Variants in AUTS2 observed in about 807,000 individuals in gnomAD.
The protein encoded by AUTS2 is autism susceptibility gene 2 protein.
A neutral mutation model predicts 112.4 loss-of-function variants in AUTS2; 17 were observed. The observed-to-expected ratio is 0.15, with a 90% CI of 0.10 to 0.23. AUTS2 has a LOEUF of 0.23. Among genes scored for constraint, AUTS2 ranks in the 10% least tolerant of loss-of-function variants. AUTS2 has a pLI of 1.00. For missense variants in AUTS2, 1,510 were observed against 1,701.6 expected, an observed-to-expected ratio of 0.89 and a Z score of 1.98; for synonymous variants, 751 against 702.7, an observed-to-expected ratio of 1.07 and a Z score of -1.09.
chr7:70,171,735 G>A (rs1051115085), intron 4 of AUTS2, among the ~76,000 whole-genome samples: 1 of 152,118 alleles, frequency 6.6e-6, no homozygotes, highest in Non-Finnish European at 1.5e-5. Context: ...CCTTCCCCAT[G>A]GGAAAGATTC....
In AUTS2 at chr7:69,850,294, C is replaced by CA. The variant is rs200344253; in HGVS notation, c.310-48985dup. Reference sequence around the variant, plus strand: ...AGTGCAACAGGGTGACACTCTGTCTCAAAAAAACAAAAACAAAAACAAAAA... The same window carrying CA: ...AGTGCAACAGGGTGACACTCTGTCTCAAAAAAAACAAAAACAAAAACAAAAA... On this transcript the variant is annotated intron_variant, in intron 1 of 18. Transcript: ENST00000342771. Among the ~76,000 whole-genome samples the CA allele has an allele frequency of 7.7e-3, 1,101 of 142,080 alleles. 16 individuals carry two copies. The highest frequency in any genetic ancestry group is 0.028 in the African/African-American group (1,019 of 36,428). The allele number at this position is 142,080 out of a possible 152,430, so 93.2% of individuals were successfully genotyped here.
At chr7:69,840,023 C>A (rs974109915) in intron 1 of AUTS2, among the ~76,000 whole-genome samples, 2 of 152,244 alleles carry the variant, frequency 1.3e-5, no homozygotes, top group South Asian at 4.2e-4. Context: ...GCTGGTTTCA[C>A]TCTAGACCCA....
At chr7:70,195,835 A>G (rs1323792789) in intron 4 of AUTS2, among the ~76,000 whole-genome samples, 1 of 152,148 alleles carries the variant, frequency 6.6e-6, no homozygotes, top group Admixed American at 6.5e-5. Flanking sequence ...CAATTTCGGA[A>G]TTCTTTCAAG....
intron 1 of AUTS2, among the ~76,000 whole-genome samples, chr7:69,720,164 T>C (rs1798846731): frequency 6.6e-6 from 1 of 152,228 alleles, no homozygotes; most frequent in Admixed American, 6.5e-5. Context: ...TGAACAATTA[T>C]GTCTGGAATC....
rs557458150 is a variant in AUTS2 at position 70,161,370 on chromosome 7, C to G, written c.660+26799C>G. Reference sequence around the variant, plus strand: ...TATGTTAAATATGCGACACTGGTCTCTAAATGGGATGTTCTTTCTTTTACA... The same window carrying G: ...TATGTTAAATATGCGACACTGGTCTGTAAATGGGATGTTCTTTCTTTTACA... On this transcript the variant is annotated intron_variant, in intron 4 of 18. Transcript: ENST00000342771. Among the ~76,000 whole-genome samples the G allele has an allele frequency of 7.9e-5, 12 of 151,746 alleles. No individual in the cohort carries two copies. In the South Asian group the frequency reaches 2.3e-3, roughly 29 times the overall value.
rs1452697851 is a variant in AUTS2 at position 70,064,288 on chromosome 7, G to A, written c.523-53844G>A. Among the ~76,000 whole-genome samples, 6 of 152,212 alleles carry A rather than the reference G, an allele frequency of 3.9e-5. No individual in the cohort carries two copies. The Middle Eastern group carries it at 0.014, about 345-fold the overall frequency. On this transcript the variant is annotated intron_variant, in intron 2 of 18. Transcript: ENST00000342771. The stretch of plus-strand genomic sequence containing the variant: ...AATCATTGTCTGTGTACTGTGACCC[G>A]ACTAGTCAGAGGTTTACCCTTTGCT...
chr7:70,076,713 C>G (rs749104265), intron 2 of AUTS2, among the ~76,000 whole-genome samples: 1 of 152,050 alleles, frequency 6.6e-6, no homozygotes, highest in East Asian at 1.9e-4. Context: ...AGTAAGATCC[C>G]AAAAGGCCTT....
At chr7:69,944,778 C>G (rs771005243) in intron 2 of AUTS2, among the ~76,000 whole-genome samples, 1 of 152,148 alleles carries the variant, frequency 6.6e-6, no homozygotes, top group Non-Finnish European at 1.5e-5. Flanking sequence ...TGATTTTACC[C>G]TTACGTATCA....
intron 2 of AUTS2, among the ~76,000 whole-genome samples, chr7:70,036,330 A>G (rs1801001960): frequency 6.6e-6 from 1 of 152,250 alleles, no homozygotes; most frequent in Non-Finnish European, 1.5e-5. Context: ...AGTAACAACA[A>G]TATGGGAATC....
Position 69,633,327 on chromosome 7 carries a change from A to C in AUTS2, c.309+33365A>C, listed in dbSNP as rs184707910. Among the ~76,000 whole-genome samples the C allele has an allele frequency of 7.6e-4, 115 of 150,748 alleles. 1 individual carries two copies. The highest frequency in any genetic ancestry group is 2.5e-3 in the African/African-American group (103 of 40,960). On this transcript the variant is annotated intron_variant, in intron 1 of 18. Coordinates refer to ENST00000342771, the MANE Select transcript of AUTS2 (RefSeq NM_015570.4). ...CACACACACCCACCCACACACACAC[A>C]CCCCCCACAGTTTATCCATTTGCCT... is the stretch of plus-strand genomic sequence containing the variant.
intron 1 of AUTS2, among the ~76,000 whole-genome samples, chr7:69,851,614 T>A (rs1333193242): frequency 6.6e-6 from 1 of 152,222 alleles, no homozygotes; most frequent in Non-Finnish European, 1.5e-5. Flanking sequence ...AACTTTCCCA[T>A]CCATGAACAC....
chr7:70,173,212 A>C (rs1328107807), intron 4 of AUTS2, among the ~76,000 whole-genome samples: 2 of 152,070 alleles, frequency 1.3e-5, no homozygotes, highest in Middle Eastern at 3.2e-3. Flanking sequence ...CCCTGTCTCT[A>C]CTAAAAATGC....
intron 4 of AUTS2, among the ~76,000 whole-genome samples, chr7:70,323,720 A>G (rs1211414642): frequency 6.6e-6 from 1 of 152,194 alleles, no homozygotes; most frequent in Non-Finnish European, 1.5e-5. Context: ...TCTGTGTGCC[A>G]TGTATATATT....
chr7:70,727,175 C>T (rs1417219055), intron 6 of AUTS2, among the ~76,000 whole-genome samples: 3 of 152,152 alleles, frequency 2.0e-5, no homozygotes, highest in African/African-American at 4.8e-5. Context: ...GGTAGCTTTC[C>T]GATTGTGATC....
intron 4 of AUTS2, among the ~76,000 whole-genome samples, chr7:70,349,987 C>G (rs1465910059): frequency 6.6e-6 from 1 of 152,172 alleles, no homozygotes; most frequent in Non-Finnish European, 1.5e-5. Context: ...CCTCTGTTGG[C>G]CACTACAAAA....
intron 5 of AUTS2, among the ~76,000 whole-genome samples, chr7:70,640,480 G>A (rs887855483): frequency 2.7e-5 from 4 of 149,518 alleles, no homozygotes; most frequent in African/African-American, 9.9e-5. Flanking sequence ...GGACTGGCAT[G>A]CTAGGCTAAT....
intron 2 of AUTS2, among the ~76,000 whole-genome samples, chr7:70,057,748 T>C (rs1802058693): frequency 6.6e-6 from 1 of 152,186 alleles, no homozygotes; most frequent in African/African-American, 2.4e-5. Flanking sequence ...CACTTAGTTA[T>C]TATACATAAA....
intron 2 of AUTS2, among the ~76,000 whole-genome samples, chr7:69,940,326 G>A (rs1490642147): frequency 6.6e-6 from 1 of 152,164 alleles, no homozygotes; most frequent in Non-Finnish European, 1.5e-5. Flanking sequence ...GAGGAAGGCT[G>A]GGAAGGCTTT....
Position 70,500,579 on chromosome 7 carries a change from C to T in AUTS2, c.690+64798C>T, listed in dbSNP as rs112983733. Among the ~76,000 whole-genome samples the T allele has an allele frequency of 3.8e-3, 574 of 152,324 alleles. 3 individuals are homozygous for T. The highest frequency in any genetic ancestry group is 0.013 in the African/African-American group (540 of 41,566). On this transcript the variant is annotated intron_variant, in intron 5 of 18. Coordinates refer to ENST00000342771, the MANE Select transcript of AUTS2 (RefSeq NM_015570.4). Reference sequence around the variant, plus strand: ...CCATTCAGGGGCGGGATGAAGGAGCCTCTTTGGAAGCCGTGGGCCTTTCTC... The same window carrying T: ...CCATTCAGGGGCGGGATGAAGGAGCTTCTTTGGAAGCCGTGGGCCTTTCTC...
Sources: allele counts gnomAD v4.1 joint callset (sites outside exome capture counted in the v4.1 genomes callset), GRCh38; gene constraint gnomAD v4.1.1; transcripts MANE v1.5; gene names NCBI Gene and HGNC (gene_info 2026-07-23, HGNC 2026-07-21).